Variants in SCN8A observed in about 807,000 individuals in gnomAD.
The protein encoded by SCN8A is sodium voltage-gated channel alpha subunit 8, also known as sodium channel protein type 8 subunit alpha.
SCN8A carries 30 observed loss-of-function variants against 184.1 expected under a neutral mutation model. The observed-to-expected ratio is 0.16, with a 90% CI of 0.12 to 0.22. The LOEUF is 0.22. SCN8A is among the 10% of genes least tolerant of loss of function. SCN8A has a pLI of 1.00. For missense variants in SCN8A, 1,057 were observed against 2,498.9 expected, an observed-to-expected ratio of 0.42 and a Z score of 12.30; for synonymous variants, 852 against 907.0, an observed-to-expected ratio of 0.94 and a Z score of 1.09.
At chr12:51,750,756 C>T (rs1043719843) in intron 13 of SCN8A, among the ~76,000 whole-genome samples, 6 of 152,166 alleles carry the variant, frequency 3.9e-5, no homozygotes, top group African/African-American at 7.2e-5. Context: ...AACTTGTTCA[C>T]GGTCCCACAG....
At chr12:51,620,700 GAA>G (rs926840485) in intron 1 of SCN8A, among the ~76,000 whole-genome samples, 3 of 150,892 alleles carry the variant, frequency 2.0e-5, no homozygotes, top group Non-Finnish European at 4.4e-5. Flanking sequence ...AAAAAAAAAA[GAA>G]AAAAACTATG....
At chr12:51,598,153 G>A (rs933076816) in intron 1 of SCN8A, among the ~76,000 whole-genome samples, 1 of 152,174 alleles carries the variant, frequency 6.6e-6, no homozygotes, top group Non-Finnish European at 1.5e-5. Flanking sequence ...TGAGTATTGT[G>A]ATAGGGAGGG....
chr12:51,790,547 G>A, intron 25 of SCN8A, 45 bp downstream of exon 25: 1 of 1,288,950 alleles, frequency 7.8e-7, no homozygotes, highest in Non-Finnish European at 1.1e-6. Flanking sequence ...AACCCATATA[G>A]GAAAAGTACT....
intron 22 of SCN8A, 58 bp from the exon 23 acceptor site, chr12:51,788,637 C>T (rs1482833342): frequency 7.0e-7 from 1 of 1,423,302 alleles, no homozygotes; most frequent in Non-Finnish European, 9.6e-7. Flanking sequence ...GGACCCCTGC[C>T]TAGACTCCCA....
chr12:51,641,011 T>A (rs1940440372), intron 1 of SCN8A, among the ~76,000 whole-genome samples: 1 of 152,206 alleles, frequency 6.6e-6, no homozygotes. Flanking sequence ...GTTAATACAA[T>A]ACAAGTGAGA....
intron 1 of SCN8A, among the ~76,000 whole-genome samples, chr12:51,598,795 C>A (rs990982636): frequency 6.6e-6 from 1 of 152,042 alleles, no homozygotes; most frequent in Non-Finnish European, 1.5e-5. Context: ...ATATTGTCTC[C>A]CCCTGCTCCT....
At chr12:51,725,613 TAAACCATGGTCTTTCTGATACCAAAAGG>T in intron 12 of SCN8A, among the ~76,000 whole-genome samples, 1 of 152,316 alleles carries the variant, frequency 6.6e-6, no homozygotes, top group East Asian at 1.9e-4. Context: ...AATTGGACCT[TAAACCATGGTCTTTCTGATACCAAAAGG>T]AACTTCCTGA....
At chr12:51,731,600 C>T (rs894369863) in intron 12 of SCN8A, among the ~76,000 whole-genome samples, 4 of 152,202 alleles carry the variant, frequency 2.6e-5, no homozygotes, top group East Asian at 1.9e-4. Context: ...AGTGGGATTC[C>T]GGATCGTAAG....
intron 14 of SCN8A, among the ~76,000 whole-genome samples, chr12:51,762,123 C>T (rs144601889): frequency 7.9e-5 from 12 of 152,130 alleles, no homozygotes; most frequent in East Asian, 5.8e-4. Flanking sequence ...CTAATCATAA[C>T]GCGAGTGATT....
intron 11 of SCN8A, among the ~76,000 whole-genome samples, chr12:51,709,899 A>T (rs1358480421): frequency 2.6e-5 from 4 of 152,144 alleles, no homozygotes; most frequent in Non-Finnish European, 5.9e-5. Flanking sequence ...GTAGAAAAGG[A>T]GTAGGAAGTT....
At chr12:51,746,335 A>C (rs1295081280) in intron 13 of SCN8A, among the ~76,000 whole-genome samples, 3 of 152,186 alleles carry the variant, frequency 2.0e-5, no homozygotes, top group Non-Finnish European at 4.4e-5. Flanking sequence ...CATCATGAGG[A>C]GTCAGTGGGG....
intron 12 of SCN8A, among the ~76,000 whole-genome samples, chr12:51,736,628 C>A (rs1942330339): frequency 6.6e-6 from 1 of 152,206 alleles, no homozygotes; most frequent in South Asian, 2.1e-4. Context: ...TAATTCCCTT[C>A]AGTCAAAGGT....
At chr12:51,612,201 A>C (rs929415501) in intron 1 of SCN8A, among the ~76,000 whole-genome samples, 2 of 152,154 alleles carry the variant, frequency 1.3e-5, no homozygotes, top group Non-Finnish European at 2.9e-5. Flanking sequence ...TTACTCTGAC[A>C]GCCAAGCTGG....
At chr12:51,761,443 C>CTATTTATTTATT (rs147096948) in intron 14 of SCN8A, among the ~76,000 whole-genome samples, 11 of 149,906 alleles carry the variant, frequency 7.3e-5, no homozygotes, top group African/African-American at 2.7e-4. Context: ...ATTTTATTCA[C>CTATTTATTTATT]TATTTATTTA....
At chr12:51,613,429 T>A (rs1939766354) in intron 1 of SCN8A, among the ~76,000 whole-genome samples, 2 of 152,168 alleles carry the variant, frequency 1.3e-5, no homozygotes, top group African/African-American at 4.8e-5. Flanking sequence ...TCTTTTAACA[T>A]CTATGGAGGT....
chr12:51,735,077 A>G (rs1942302269), intron 12 of SCN8A, among the ~76,000 whole-genome samples: 1 of 152,178 alleles, frequency 6.6e-6, no homozygotes, highest in South Asian at 2.1e-4. Flanking sequence ...AGAGCTATTA[A>G]TAGTTTCCAC....
chr12:51,612,807 C>T (rs148105304), intron 1 of SCN8A, among the ~76,000 whole-genome samples: 1,548 of 152,086 alleles, frequency 0.01, 23 homozygotes, highest in Middle Eastern at 0.01. Context: ...CTGCAACCTC[C>T]GCCTTCTGGG....
intron 1 of SCN8A, among the ~76,000 whole-genome samples, chr12:51,639,497 C>CT (rs1940394164): frequency 6.6e-6 from 1 of 152,064 alleles, no homozygotes; most frequent in Non-Finnish European, 1.5e-5. Context: ...TCACTGTAGC[C>CT]TCGAACTCCC....
rs1555231135 is a variant in SCN8A, at chr12:51,807,158, G to A, written c.5672G>A (p.Arg1891His). ...TACGAGCCAATCACAACCACACTGC[G>A]TCGCAAGCAGGAGGAGGTATCTGCA... is the stretch of plus-strand genomic sequence containing the variant. ...VSYEPITTTLRRKQEEVSAVV... is the reference protein window; with the variant it reads ...VSYEPITTTLHRKQEEVSAVV... Residue 1891 changes from arginine (R) to histidine (H), a missense_variant, in exon 27 of 27, where the codon CGT (arginine) becomes CAT (histidine). By Grantham distance (29) the Arg-to-His change is conservative (BLOSUM62 0). This residue lies in a region of SCN8A where 95 missense variants were observed against 140.2 expected (regional missense o/e 0.68). Transcript: ENST00000627620. The surrounding 1 kb of genome is among the most constrained non-coding windows in gnomAD (Gnocchi z 4.5). The A allele has an allele frequency of 2.5e-6, 4 of 1,613,888 alleles. No individual in the cohort carries two copies. Among genetic ancestry groups the A allele is most frequent in the South Asian group, 1.1e-5 (1 of 91,066 alleles).
Sources: allele counts gnomAD v4.1 joint callset (sites outside exome capture counted in the v4.1 genomes callset), GRCh38; gene constraint gnomAD v4.1.1; regional missense constraint gnomAD v4.1.1; non-coding constraint Gnocchi (gnomAD v3.1); transcripts MANE v1.5; gene names NCBI Gene and HGNC (gene_info 2026-07-23, HGNC 2026-07-21).